Variants in DNMBP observed in about 807,000 individuals in gnomAD.
DNMBP encodes the protein dynamin-binding protein.
DNMBP carries 87 observed loss-of-function variants against 150.0 expected under a neutral mutation model. The ratio of observed to expected loss-of-function variants is 0.58; its 90% CI spans 0.49 to 0.69. The LOEUF (loss-of-function observed/expected upper bound fraction) is 0.69. DNMBP is among the 30% of genes least tolerant of loss of function. The pLI is 0.00. For synonymous variants in DNMBP, 711 were observed against 750.4 expected, an observed-to-expected ratio of 0.95 and a Z score of 0.86; for missense variants, 1,774 against 1,949.0, an observed-to-expected ratio of 0.91 and a Z score of 1.69.
In DNMBP at chr10:99,877,285, C is replaced by G. The variant is rs377547949; in HGVS notation, c.4600G>C (p.Val1534Leu). ...FKARNPNELSVSANQKLKILE... is the reference protein window; with the variant it reads ...FKARNPNELSLSANQKLKILE... The stretch of plus-strand genomic sequence containing the variant: ...ATCTTGAGTTTCTGATTGGCTGACA[C>G]GCTCAGCTCATTTGGGTTTCGTGCC... The change falls in exon 17 of 17, where the codon GTG (valine) becomes CTG (leucine). Residue 1534 changes from valine (V) to leucine (L), a missense_variant. By Grantham distance (32) the Val-to-Leu change is conservative (BLOSUM62 1). Around this residue, in one of 2 missense-constraint regions of DNMBP, gnomAD observed 1,430 missense variants for 1,492.5 expected, o/e 0.96. Coordinates refer to ENST00000324109, the MANE Select transcript of DNMBP (RefSeq NM_015221.4). 7 of 1,613,920 alleles carry G rather than the reference C, an allele frequency of 4.3e-6. No homozygotes were observed. In the South Asian group the frequency reaches 7.7e-5, roughly 18 times the overall value.
intron 3 of DNMBP, among the ~76,000 whole-genome samples, chr10:99,959,895 G>A (rs2040545481): frequency 1.3e-5 from 2 of 151,912 alleles, no homozygotes; most frequent in Non-Finnish European, 2.9e-5. Flanking sequence ...TTAGTAAAGG[G>A]TTCTTTGTTG....
intron 4 of DNMBP, among the ~76,000 whole-genome samples, chr10:99,914,432 G>A (rs1352340433): frequency 6.6e-6 from 1 of 152,182 alleles, no homozygotes; most frequent in African/African-American, 2.4e-5. Flanking sequence ...ACTGTGAAGT[G>A]GGCAGCAGTT....
intron 4 of DNMBP, among the ~76,000 whole-genome samples, chr10:99,946,515 G>A (rs556978703): frequency 2.0e-5 from 3 of 152,238 alleles, no homozygotes; most frequent in South Asian, 2.1e-4. Flanking sequence ...AATGGGGAAA[G>A]AATTCTCTAT....
chr10:99,991,703 G>A (rs1488423434), intron 1 of DNMBP, among the ~76,000 whole-genome samples: 1 of 151,582 alleles, frequency 6.6e-6, no homozygotes, highest in African/African-American at 2.4e-5. Flanking sequence ...TCAGGAGATC[G>A]AGACCATCCT....
At chr10:99,936,052 T>G (rs1274994447) in intron 4 of DNMBP, among the ~76,000 whole-genome samples, 1 of 152,162 alleles carries the variant, frequency 6.6e-6, no homozygotes, top group Non-Finnish European at 1.5e-5. Context: ...AGAAGGAAAT[T>G]TTAACTATAA....
chr10:100,003,123 G>T (rs552490045), intron 1 of DNMBP, among the ~76,000 whole-genome samples: 75 of 152,274 alleles, frequency 4.9e-4, no homozygotes, highest in African/African-American at 1.8e-3. Context: ...GCCAAGGCAC[G>T]TGGATCACAA....
intron 1 of DNMBP, among the ~76,000 whole-genome samples, chr10:99,997,995 G>A (rs2040967680): frequency 6.8e-6 from 1 of 147,900 alleles, no homozygotes; most frequent in Non-Finnish European, 1.5e-5. Context: ...CAGCACTTTG[G>A]GAGGCCAAGG....
At chr10:99,954,860 G>A (rs934177034) in intron 4 of DNMBP, among the ~76,000 whole-genome samples, 4 of 151,740 alleles carry the variant, frequency 2.6e-5, no homozygotes, top group Non-Finnish European at 5.9e-5. Context: ...AGACCAGCCT[G>A]GCAACATGGC....
At chr10:99,908,582 ACT>A (rs1259469725) in intron 5 of DNMBP, among the ~76,000 whole-genome samples, 2 of 152,032 alleles carry the variant, frequency 1.3e-5, no homozygotes, top group African/African-American at 4.8e-5. Context: ...TCCTGGATAA[ACT>A]CTATATGAAC....
chr10:99,924,809 G>C (rs1283614867), intron 4 of DNMBP, among the ~76,000 whole-genome samples: 1 of 152,216 alleles, frequency 6.6e-6, no homozygotes, highest in Non-Finnish European at 1.5e-5. Flanking sequence ...TAAAAACTTT[G>C]AGCTGTCTGT....
intron 6 of DNMBP, among the ~76,000 whole-genome samples, chr10:99,907,339 C>T (rs1390625011): frequency 6.7e-6 from 1 of 150,224 alleles, no homozygotes; most frequent in East Asian, 2.0e-4. Flanking sequence ...AAAAAAAAAA[C>T]AACAGATAAG....
At chr10:99,995,625 G>A (rs2040942910) in intron 1 of DNMBP, among the ~76,000 whole-genome samples, 1 of 152,210 alleles carries the variant, frequency 6.6e-6, no homozygotes, top group African/African-American at 2.4e-5. Context: ...ATTTCATGGG[G>A]TGAGCTTTGA....
chr10:99,972,717 C>T (rs1297517486), intron 1 of DNMBP, among the ~76,000 whole-genome samples: 1 of 152,014 alleles, frequency 6.6e-6, no homozygotes, highest in Non-Finnish European at 1.5e-5. Flanking sequence ...CTCAAGTGAT[C>T]CTCCTACCTC....
chr10:99,891,995 A>G (rs2039575868), intron 11 of DNMBP, among the ~76,000 whole-genome samples: 1 of 119,350 alleles, frequency 8.4e-6, no homozygotes, highest in Admixed American at 8.4e-5. Flanking sequence ...CCCTACTGGG[A>G]AGTGAGGAGC....
In DNMBP at chr10:99,956,107, T is replaced by C; in HGVS notation, c.1367A>G (p.Tyr456Cys). 6.2e-7 allele frequency: 1 copy of C among 1,614,204 alleles called. No individual in the cohort carries two copies. The highest frequency in any genetic ancestry group is 8.5e-7 in the Non-Finnish European group (1 of 1,180,030). ...LLPLEARTRDYASLPPKRMYS... is the reference protein window; with the variant it reads ...LLPLEARTRDCASLPPKRMYS... ...CATTCTTTTGGGAGGTAGGCTGGCATAGTCTCTAGTCCTTGCTTCTAGGGG... is the reference window on the plus strand; with the variant it reads ...CATTCTTTTGGGAGGTAGGCTGGCACAGTCTCTAGTCCTTGCTTCTAGGGG... The change falls in exon 4 of 17, where the codon TAT (tyrosine) becomes TGT (cysteine). Residue 456 changes from tyrosine (Y) to cysteine (C), a missense_variant. This residue lies in a region of DNMBP where 1,430 missense variants were observed against 1,492.5 expected (regional missense o/e 0.96). Coordinates refer to ENST00000324109, the MANE Select transcript of DNMBP (RefSeq NM_015221.4).
intron 4 of DNMBP, among the ~76,000 whole-genome samples, chr10:99,922,679 T>C (rs968845319): frequency 4.0e-5 from 6 of 151,888 alleles, no homozygotes; most frequent in Non-Finnish European, 8.8e-5. Flanking sequence ...CACCATACCC[T>C]GCTAATTTTG....
chr10:100,005,786 C>CAAAAAAAAAAAAAAAAA lies in DNMBP; in HGVS notation c.-11+4051_-11+4052insTTTTTTTTTTTTTTTTT, dbSNP rs1589458237. On this transcript the variant is annotated intron_variant, in intron 1 of 16. Coordinates refer to ENST00000324109, the MANE Select transcript of DNMBP (RefSeq NM_015221.4). ...CTCCAAAAAAAAAAAAAAAAAAAAC[C>CAAAAAAAAAAAAAAAAA]AAACTACATAAAGGAAAATGAATTA... Among the ~76,000 whole-genome samples, 51 of 101,040 alleles carry CAAAAAAAAAAAAAAAAA rather than the reference C, an allele frequency of 5.0e-4. 1 individual carries two copies. The highest frequency in any genetic ancestry group is 1.9e-3 in the South Asian group (6 of 3,166). 66.3% of individuals were successfully genotyped at this position (101,040 alleles called of 152,430 possible). A position where few individuals can be genotyped will look rare whatever the true frequency, so the allele number is the denominator to read the frequency against.
chr10:99,936,070 G>A (rs979693831), intron 4 of DNMBP, among the ~76,000 whole-genome samples: 1 of 151,858 alleles, frequency 6.6e-6, no homozygotes, highest in Non-Finnish European at 1.5e-5. Context: ...TAAAAGTATA[G>A]GTAAGATTAA....
At chr10:99,948,551 A>C (rs1486700957) in intron 4 of DNMBP, among the ~76,000 whole-genome samples, 1 of 152,188 alleles carries the variant, frequency 6.6e-6, no homozygotes, top group Admixed American at 6.5e-5. Flanking sequence ...CAGACACACA[A>C]AGAGCCTAGA....
Sources: allele counts gnomAD v4.1 joint callset (sites outside exome capture counted in the v4.1 genomes callset), GRCh38; gene constraint gnomAD v4.1.1; regional missense constraint gnomAD v4.1.1; transcripts MANE v1.5; gene names NCBI Gene and HGNC (gene_info 2026-07-23, HGNC 2026-07-21).